Variants in KCNK17 observed in about 807,000 individuals in gnomAD.
KCNK17 encodes the protein potassium channel subfamily K member 17.
A neutral mutation model predicts 24.6 loss-of-function variants in KCNK17; 27 were observed. The observed-to-expected ratio is 1.10, with a 90% confidence interval of 0.81 to 1.51. The LOEUF (loss-of-function observed/expected upper bound fraction) is 1.51, where lower values mean the gene tolerates loss of function less well. Ranked by LOEUF, KCNK17 falls within the 40% of genes most tolerant of loss-of-function variation. The probability of loss-of-function intolerance (pLI) is 0.00; values close to 1 mark genes in which losing one functional copy is unlikely to be tolerated. For missense variants in KCNK17, 450 were observed against 436.6 expected (o/e 1.03, Z -0.27); for synonymous variants, 181 against 189.8 (o/e 0.95, Z 0.38).
rs1429775240 is a variant in KCNK17 at position 39,304,497 on chromosome 6, G to A, written c.511C>T (p.Gln171Ter). 1.7e-5 allele frequency: 28 copies of A among 1,611,254 alleles called. No homozygotes were observed. Among genetic ancestry groups the A allele is most frequent in the Non-Finnish European group, 2.4e-5 (28 of 1,177,692 alleles). ...HWASRLGGTW[Q>*]DPDKARWLAG... The stretch of plus-strand genomic sequence containing the variant: ...ACCCCGTCCAGCAGCCCCCTCACCT[G>A]CCAGGTGCCCCCCAGCCTGCTGGCC... Residue 171 changes from glutamine to a stop codon, truncating the protein, a stop_gained and splice_region_variant, in exon 3 of 5, where the codon CAG becomes TAG. Transcript: ENST00000373231. LOFTEE classifies it high-confidence loss of function.
At chr6:39,307,594 C>A (rs943546330) in intron 2 of KCNK17, among the ~76,000 whole-genome samples, 2 of 152,190 alleles carry the variant, frequency 1.3e-5, no homozygotes, top group African/African-American at 4.8e-5. Flanking sequence ...CCCATGGAGG[C>A]CTGCAGCGTT....
At chr6:39,313,871 A>G (rs1762208333) in intron 1 of KCNK17, among the ~76,000 whole-genome samples, 1 of 152,060 alleles carries the variant, frequency 6.6e-6, no homozygotes, top group Non-Finnish European at 1.5e-5. Context: ...TCCTCTCGCT[A>G]GGGCGAGGGT....
chr6:39,308,895 T>C (rs1023232610), intron 2 of KCNK17, among the ~76,000 whole-genome samples: 2 of 152,346 alleles, frequency 1.3e-5, no homozygotes, highest in Middle Eastern at 3.4e-3. Context: ...TGTAAGTGCA[T>C]ACAGGTGTGG....
chr6:39,308,028 C>T lies in KCNK17; in HGVS notation c.352+2865G>A, dbSNP rs1762065706. ...TGTTACTGTATCAGCTTCAATGTTA[C>T]TGAATGGACACCCCACCTACAATAG... On this transcript the variant is annotated intron_variant, in intron 2 of 4. Coordinates refer to ENST00000373231, the MANE Select transcript of KCNK17 (RefSeq NM_031460.4). Among the ~76,000 whole-genome samples, 10 of 152,334 alleles carry T rather than the reference C, an allele frequency of 6.6e-5. 2 individuals are homozygous for T. In the South Asian group the frequency reaches 2.1e-3, roughly 32 times the overall value.
rs149022300 is a variant in KCNK17 at position 39,304,612 on chromosome 6, G to A, written c.396C>T (p.Phe132=). 35 of 1,613,942 alleles carry A rather than the reference G, an allele frequency of 2.2e-5. No homozygotes were observed. In the African/African-American group the frequency reaches 4.3e-4, roughly 20 times the overall value. ...LSPNTMAARL[F]CIFFALVGIP... ...TCCCCACAAGGGCAAAGAAGATGCA[G>A]AAGAGGCGGGCAGCCATCGTGTTGG... is the stretch of plus-strand genomic sequence containing the variant. Residue 132 remains phenylalanine, a synonymous_variant, in exon 3 of 5, where the codon TTC becomes TTT. Coordinates refer to ENST00000373231, the MANE Select transcript of KCNK17 (RefSeq NM_031460.4).
chr6:39,299,657 C>G lies in KCNK17; in HGVS notation c.769G>C (p.Ala257Pro), dbSNP rs1054438000. The G allele has an allele frequency of 3.1e-6, 5 of 1,614,142 alleles. No individual in the cohort carries two copies. The Admixed American group carries it at 6.7e-5, about 22-fold the overall frequency. The change falls in exon 5 of 5, where the codon GCC becomes CCC. Residue 257 changes from alanine to proline, a missense_variant. Transcript: ENST00000373231. ...GAGAGGATGAGTTTGATGATCAAGG[C>G]CAGCCATGCCATCCCAAAGAGGATC... ...LWILFGMAWL[A>P]LIIKLILSQL...
intron 4 of KCNK17, among the ~76,000 whole-genome samples, chr6:39,302,066 C>T (rs1011572272): frequency 1.3e-5 from 2 of 152,192 alleles, no homozygotes; most frequent in Admixed American, 6.5e-5. Context: ...GTGTCTCCAT[C>T]TGTATAAGGA....
intron 2 of KCNK17, among the ~76,000 whole-genome samples, chr6:39,310,651 C>A (rs1262829865): frequency 6.6e-6 from 1 of 152,124 alleles, no homozygotes; most frequent in Admixed American, 6.5e-5. Context: ...TAGAGCAGTG[C>A]TTGTCAAACT....
chr6:39,300,910 G>A (rs991473713), intron 4 of KCNK17, among the ~76,000 whole-genome samples: 13 of 152,104 alleles, frequency 8.5e-5, no homozygotes, highest in Admixed American at 7.9e-4. Flanking sequence ...TCTGTTACAC[G>A]TGCTGCTTTC....
At position 39,304,039 on chromosome 6, in the gene KCNK17, G is replaced by A. The variant is rs1475272367; in HGVS notation, c.606C>T (p.His202=). ...CCTCTGTGTAGCTCCAGCCCTCCATGTGGGAGAAGAGCAGCGGTGGCAGCA... is the reference window on the plus strand; with the variant it reads ...CCTCTGTGTAGCTCCAGCCCTCCATATGGGAGAAGAGCAGCGGTGGCAGCA... ...FLLLPPLLFS[H]MEGWSYTEGF... The change falls in exon 4 of 5, where the codon CAC becomes CAT. Residue 202 remains histidine, a synonymous_variant. Transcript: ENST00000373231. 2.5e-6 allele frequency: 4 copies of A among 1,613,796 alleles called. No homozygotes were observed. The South Asian group carries it at 4.4e-5, about 18-fold the overall frequency.
At chr6:39,307,745 T>G (rs560906249) in intron 2 of KCNK17, among the ~76,000 whole-genome samples, 1 of 152,346 alleles carries the variant, frequency 6.6e-6, no homozygotes, top group South Asian at 2.1e-4. Flanking sequence ...GCATGTCTCC[T>G]CACTGCCACT....
intron 4 of KCNK17, among the ~76,000 whole-genome samples, chr6:39,301,438 C>G (rs968385746): frequency 1.3e-5 from 2 of 152,226 alleles, no homozygotes; most frequent in Admixed American, 1.3e-4. Flanking sequence ...GAGGCTGCCA[C>G]CTGGGAGCTG....
chr6:39,306,118 A>G (rs1337371976), intron 2 of KCNK17, among the ~76,000 whole-genome samples: 1 of 148,764 alleles, frequency 6.7e-6, no homozygotes, highest in Admixed American at 6.8e-5. Flanking sequence ...ATCTTGGCTC[A>G]CTGCAAACTC....
chr6:39,313,982 A>G, intron 1 of KCNK17, 102 bp downstream of exon 1: 1 of 886,870 alleles, frequency 1.1e-6, no homozygotes, highest in East Asian at 3.1e-5. Flanking sequence ...AACAGGAAAC[A>G]CCTGACCAGG....
intron 4 of KCNK17, among the ~76,000 whole-genome samples, chr6:39,301,423 G>A (rs1393947913): frequency 1.3e-5 from 2 of 152,344 alleles, no homozygotes; most frequent in East Asian, 3.9e-4. Flanking sequence ...CCCCCACATG[G>A]GGATGAGGCT....
intron 4 of KCNK17, among the ~76,000 whole-genome samples, chr6:39,301,294 C>T (rs1354291963): frequency 6.6e-6 from 1 of 152,202 alleles, no homozygotes; most frequent in Non-Finnish European, 1.5e-5. Flanking sequence ...CCTATTCCTT[C>T]GTCATCCTTT....
At chr6:39,304,261 G>C (rs1467830071) in intron 3 of KCNK17, 130 bp from the exon 4 acceptor site, 5 of 952,284 alleles carry the variant, frequency 5.3e-6, no homozygotes, top group Non-Finnish European at 7.8e-6. Flanking sequence ...TGTTCTCCAG[G>C]TTCCCTGCCT....
intron 4 of KCNK17, chr6:39,300,336 C>T: frequency 1.4e-6 from 1 of 737,050 alleles, no homozygotes; most frequent in Admixed American, 2.0e-5. Flanking sequence ...GTTGCCCAGG[C>T]TGGTCTTGAA....
At chr6:39,309,989 A>C (rs887230595) in intron 2 of KCNK17, among the ~76,000 whole-genome samples, 4 of 152,278 alleles carry the variant, frequency 2.6e-5, no homozygotes, top group African/African-American at 9.6e-5. Context: ...AACTAGATGG[A>C]GAATCCTCTG....
Sources: allele counts gnomAD v4.1 joint callset (sites outside exome capture counted in the v4.1 genomes callset), GRCh38; gene constraint gnomAD v4.1.1; transcripts MANE v1.5; gene names NCBI Gene and HGNC (gene_info 2026-07-23, HGNC 2026-07-21).